The following SCPEP1 variants were observed in gnomAD, a reference collection of about 807,000 sequenced individuals.
SCPEP1 encodes retinoid-inducible serine carboxypeptidase.
In SCPEP1, 51 loss-of-function variants were observed where a neutral mutation model predicts 63.8. The ratio of observed to expected loss-of-function variants is 0.80; its 90% CI spans 0.64 to 1.01. The LOEUF is 1.01. Among genes scored for constraint, SCPEP1 ranks in the 50% least tolerant of loss-of-function variants. The pLI, the probability that SCPEP1 is intolerant of heterozygous loss-of-function variation, is 0.00. For missense variants in SCPEP1, 499 were observed against 554.9 expected, an observed-to-expected ratio of 0.90 and a Z score of 1.01; for synonymous variants, 204 against 207.8, an observed-to-expected ratio of 0.98 and a Z score of 0.16.
chr17:56,995,065 T>C, intron 7 of SCPEP1, 47 bp downstream of exon 7: 1 of 1,535,298 alleles, frequency 6.5e-7, no homozygotes, highest in Non-Finnish European at 9.0e-7. Context: ...GCCCAGCAGA[T>C]CTCTTCTGGC....
chr17:56,995,334 A>T, intron 7 of SCPEP1, 173 bp from the exon 8 acceptor site: 1 of 662,568 alleles, frequency 1.5e-6, no homozygotes. Context: ...AGGTTCAGTT[A>T]ACAATTTGCT....
chr17:56,992,542 T>A (rs536369879), intron 6 of SCPEP1, among the ~76,000 whole-genome samples: 1 of 152,318 alleles, frequency 6.6e-6, no homozygotes, highest in East Asian at 1.9e-4. Flanking sequence ...GGAACACAGA[T>A]AAGAGTTGTT....
chr17:56,988,095 G>A, intron 4 of SCPEP1, 121 bp from the exon 5 acceptor site: 1 of 830,072 alleles, frequency 1.2e-6, no homozygotes, highest in Middle Eastern at 2.9e-4. Context: ...AGTGGTGGGG[G>A]AGGAAGACAA....
In SCPEP1 at chr17:56,995,004, T is replaced by C; in HGVS notation, c.643T>C (p.Tyr215His). The C allele has an allele frequency of 1.2e-6, 2 of 1,613,442 alleles. No individual in the cohort carries two copies. The highest frequency in any genetic ancestry group is 2.2e-5 in the South Asian group (2 of 91,062). The change falls in exon 7 of 13, where the codon TAC becomes CAC. Residue 215 changes from tyrosine (Y) to histidine (H), a missense_variant. Physicochemically the swap from Tyr to His is moderately conservative, Grantham distance 83. Transcript: ENST00000262288. Reference sequence around the variant, plus strand: ...AGATTCGGTGCTCTCCTGGGGACCTTACCTGTACAGCATGGTAAGTAGATA... The same window carrying C: ...AGATTCGGTGCTCTCCTGGGGACCTCACCTGTACAGCATGGTAAGTAGATA... Reference protein sequence around the residue: ...PVDSVLSWGPYLYSMSLLEDK... With the variant: ...PVDSVLSWGPHLYSMSLLEDK...
At chr17:56,979,089 A>G (rs890434110) in intron 1 of SCPEP1, among the ~76,000 whole-genome samples, 105 of 152,324 alleles carry the variant, frequency 6.9e-4, no homozygotes, top group African/African-American at 2.4e-3. Context: ...AGAACCTTAT[A>G]GCTAAGTCTG....
chr17:56,992,102 C>A (rs970904846), intron 6 of SCPEP1, among the ~76,000 whole-genome samples: 1 of 152,188 alleles, frequency 6.6e-6, no homozygotes, highest in African/African-American at 2.4e-5. Context: ...GTTACACGGG[C>A]ATATGCATTC....
chr17:56,985,157 GACCTCTTAGC>G (rs1911178759), intron 2 of SCPEP1: 1 of 578,708 alleles, frequency 1.7e-6, no homozygotes, highest in African/African-American at 1.9e-5. Flanking sequence ...TTCCATTGTG[GACCTCTTAGC>G]TCAGCTCTGC....
chr17:56,998,252 A>G lies in SCPEP1; in HGVS notation c.881-133A>G, dbSNP rs192420573. ...CTTGAACCCAGGAGGCGGAGGTTTCAGTGAGCCGAGATCGTGCCACTGCAC... is the reference window on the plus strand; with the variant it reads ...CTTGAACCCAGGAGGCGGAGGTTTCGGTGAGCCGAGATCGTGCCACTGCAC... On this transcript the variant is annotated intron_variant, in intron 9 of 12. Transcript: ENST00000262288. The G allele has an allele frequency of 1.1e-3, 641 of 581,250 alleles. 10 individuals carry two copies. The East Asian group carries it at 0.018, about 16-fold the overall frequency. The allele number at this position is 581,250 out of a possible 1,614,324, so 36.0% of individuals were successfully genotyped here.
intron 12 of SCPEP1, among the ~76,000 whole-genome samples, chr17:57,004,776 A>C (rs570233424): frequency 6.6e-6 from 1 of 152,350 alleles, no homozygotes; most frequent in Admixed American, 6.5e-5. Flanking sequence ...AAGGGTGGCT[A>C]TTTCAGCCAC....
intron 8 of SCPEP1, 49 bp from the exon 9 acceptor site, chr17:56,996,913 T>C: frequency 1.5e-6 from 2 of 1,325,274 alleles, no homozygotes; most frequent in African/African-American, 1.5e-5. Context: ...TTGGCAGCTT[T>C]GATGATAGGA....
chr17:56,988,068 G>A (rs1030377299), intron 4 of SCPEP1, 148 bp from the exon 5 acceptor site: 93 of 748,452 alleles, frequency 1.2e-4, no homozygotes, highest in Non-Finnish European at 1.8e-4. Context: ...CTAATCAGAC[G>A]CAATAATCAG....
In SCPEP1 at chr17:56,997,075, A is replaced by T. The variant is rs374643983; in HGVS notation, c.880+20A>T. The T allele has an allele frequency of 6.9e-7, 1 of 1,451,432 alleles. No homozygotes were observed. Among genetic ancestry groups the T allele is most frequent in the Non-Finnish European group, 9.4e-7 (1 of 1,065,790 alleles). 89.9% of individuals were successfully genotyped at this position (1,451,432 alleles called of 1,614,324 possible). A position where few individuals can be genotyped will look rare whatever the true frequency, so the allele number is the denominator to read the frequency against. ...ACCTAGGTGAGTGAACCTTGAAGTT[A>T]TTAAAGTCCCTGCCTCAGCCTCCAT... On this transcript the variant is annotated intron_variant, in intron 9 of 12. Coordinates refer to ENST00000262288, the MANE Select transcript of SCPEP1 (RefSeq NM_021626.3).
chr17:57,000,887 G>A lies in SCPEP1; in HGVS notation c.1027G>A (p.Glu343Lys), dbSNP rs764223400. The A allele has an allele frequency of 6.2e-7, 1 of 1,614,188 alleles. No homozygotes were observed. Among genetic ancestry groups the A allele is most frequent in the South Asian group, 1.1e-5 (1 of 91,084 alleles). ...TACCAACGTCTTTGTGAACATGGAG[G>A]AGGACTTCATGAAGCCAGTCATTAG... The part of the protein sequence containing the change: ...QATNVFVNME[E>K]DFMKPVISIV... Residue 343 changes from glutamate (E) to lysine (K), a missense_variant, in exon 11 of 13, where the codon GAG (glutamate) becomes AAG (lysine). Glu to Lys is a moderately conservative substitution (Grantham distance 56, BLOSUM62 1). Transcript: ENST00000262288.
At chr17:57,000,110 C>T (rs1911695168) in intron 10 of SCPEP1, among the ~76,000 whole-genome samples, 1 of 151,736 alleles carries the variant, frequency 6.6e-6, no homozygotes, top group African/African-American at 2.4e-5. Flanking sequence ...AGATTGTGCC[C>T]CCGCTCTCCA....
intron 2 of SCPEP1, chr17:56,984,266 A>C (rs1271987438): frequency 6.6e-6 from 1 of 152,448 alleles, no homozygotes; most frequent in East Asian, 1.9e-4. Flanking sequence ...CTGCTAGTGC[A>C]CAGAGAGGCC....
rs1312229555 is a variant in SCPEP1, at chr17:56,981,061, GA to G, written c.77-18del. 2 of 1,613,866 alleles carry G rather than the reference GA, an allele frequency of 1.2e-6. No homozygotes were observed. The highest frequency in any genetic ancestry group is 2.7e-5 in the African/African-American group (2 of 74,916). On this transcript the variant is annotated intron_variant, in intron 1 of 12. Coordinates refer to ENST00000262288, the MANE Select transcript of SCPEP1 (RefSeq NM_021626.3). ...TACATTAGGCACTCTTCTGGAGAGT[GA>G]AATTGAACTTCTGTTTCAGGAGCTG...
intron 2 of SCPEP1, chr17:56,985,169 C>A (rs1911178914): frequency 3.4e-6 from 2 of 595,636 alleles, no homozygotes; most frequent in Admixed American, 3.0e-5. Flanking sequence ...CCTCTTAGCT[C>A]AGCTCTGCTC....
At chr17:56,985,562 G>C (rs779354014) in intron 3 of SCPEP1, 95 bp downstream of exon 3, 6 of 913,176 alleles carry the variant, frequency 6.6e-6, no homozygotes, top group Non-Finnish European at 1.1e-5. Context: ...GCAATCCCTC[G>C]CTGTCCTTTT....
intron 6 of SCPEP1, among the ~76,000 whole-genome samples, chr17:56,993,036 C>A (rs2144492932): frequency 6.6e-6 from 1 of 152,204 alleles, no homozygotes; most frequent in East Asian, 1.9e-4. Context: ...TGTTAATTTC[C>A]ATGAACAATT....
Sources: gnomAD v4.1 joint callset for allele counts (sites outside exome capture counted in the v4.1 genomes callset) on GRCh38, gnomAD v4.1.1 for gene constraint, MANE v1.5 for transcripts, NCBI Gene and HGNC (gene_info 2026-07-23, HGNC 2026-07-21) for gene names.